COL23A1: variants seen among roughly 807,000 people sequenced by gnomAD.
The protein encoded by COL23A1 is collagen type XXIII alpha 1 chain.
Under a neutral mutation model 99.3 loss-of-function variants are expected in COL23A1, and 97 were observed. The observed-to-expected ratio is 0.98, with a 90% CI of 0.83 to 1.16. The LOEUF is 1.16. Ranked by LOEUF, COL23A1 falls within the 50% of genes most tolerant of loss-of-function variation. The pLI, the probability that COL23A1 is intolerant of heterozygous loss-of-function variation, is 0.00. For missense variants in COL23A1, 762 were observed against 757.4 expected (o/e 1.01, Z -0.07); for synonymous variants, 320 against 308.2 (o/e 1.04, Z -0.40).
At chr5:178,483,488 A>G (rs541010815) in intron 2 of COL23A1, among the ~76,000 whole-genome samples, 2 of 152,324 alleles carry the variant, frequency 1.3e-5, no homozygotes, top group Admixed American at 6.5e-5. Flanking sequence ...CTGGCTTTCC[A>G]GCACCCCAGC....
intron 2 of COL23A1, among the ~76,000 whole-genome samples, chr5:178,500,575 A>C (rs949965361): frequency 6.6e-6 from 1 of 151,532 alleles, no homozygotes; most frequent in African/African-American, 2.4e-5. Context: ...ACTGTACTCT[A>C]GGCTGGGAGG....
At chr5:178,503,391 T>C (rs1305675874) in intron 2 of COL23A1, among the ~76,000 whole-genome samples, 1 of 152,176 alleles carries the variant, frequency 6.6e-6, no homozygotes, top group African/African-American at 2.4e-5. Context: ...AAAGACAGTC[T>C]GTGAAAATGC....
At chr5:178,437,423 T>C (rs1398174773) in intron 2 of COL23A1, among the ~76,000 whole-genome samples, 1 of 151,634 alleles carries the variant, frequency 6.6e-6, no homozygotes, top group Non-Finnish European at 1.5e-5. Flanking sequence ...GAGCAGGAGG[T>C]CGCCAGGATC....
At chr5:178,489,663 G>A (rs1757824086) in intron 2 of COL23A1, among the ~76,000 whole-genome samples, 1 of 152,094 alleles carries the variant, frequency 6.6e-6, no homozygotes, top group Admixed American at 6.5e-5. Flanking sequence ...AAGTCGGGAG[G>A]GTGGGAGGTG....
intron 2 of COL23A1, among the ~76,000 whole-genome samples, chr5:178,548,122 T>A (rs1032774069): frequency 8.1e-6 from 1 of 123,010 alleles, no homozygotes; most frequent in African/African-American, 3.1e-5. Context: ...CTTGGCAAAC[T>A]CTGTAAAGAA....
chr5:178,480,136 T>C (rs1240795740), intron 2 of COL23A1, among the ~76,000 whole-genome samples: 1 of 151,170 alleles, frequency 6.6e-6, no homozygotes, highest in Non-Finnish European at 1.5e-5. Context: ...GGTGCATGAT[T>C]GTACTCCAGA....
At chr5:178,587,575 A>G (rs1245777178) in intron 1 of COL23A1, among the ~76,000 whole-genome samples, 3 of 152,210 alleles carry the variant, frequency 2.0e-5, no homozygotes, top group African/African-American at 7.2e-5. Context: ...AGCTGCCCGC[A>G]CACTCACATA....
chr5:178,374,724 G>T (rs182915469), intron 2 of COL23A1, among the ~76,000 whole-genome samples: 159 of 152,278 alleles, frequency 1.0e-3, no homozygotes, highest in African/African-American at 3.6e-3. Flanking sequence ...ATAATAACAG[G>T]TGTTGGTGCA....
intron 2 of COL23A1, among the ~76,000 whole-genome samples, chr5:178,466,210 C>T (rs1756414057): frequency 1.3e-5 from 2 of 152,130 alleles, no homozygotes; most frequent in South Asian, 4.1e-4. Context: ...TCGGCCTCCA[C>T]TTCCACATCT....
intron 2 of COL23A1, among the ~76,000 whole-genome samples, chr5:178,510,698 T>TA (rs1759158198): frequency 9.5e-6 from 1 of 105,418 alleles, no homozygotes; most frequent in Middle Eastern, 4.8e-3. Context: ...AAATAAAAAA[T>TA]AAAAAAAAGA....
chr5:178,487,147 T>A (rs2647705), intron 2 of COL23A1, among the ~76,000 whole-genome samples: 50,817 of 135,644 alleles, frequency 0.37, 11,484 homozygotes, highest in Admixed American at 0.51. Flanking sequence ...AGTGCCTGAG[T>A]GTTCTGCACA....
At chr5:178,575,559 TA>T (rs1235533149) in intron 1 of COL23A1, among the ~76,000 whole-genome samples, 2 of 152,132 alleles carry the variant, frequency 1.3e-5, no homozygotes, top group African/African-American at 4.8e-5. Flanking sequence ...TTTTGGAAGA[TA>T]AATCTCAAGC....
At chr5:178,283,818 A>G (rs1196063389) in intron 5 of COL23A1, among the ~76,000 whole-genome samples, 3 of 152,234 alleles carry the variant, frequency 2.0e-5, no homozygotes, top group Admixed American at 6.5e-5. Flanking sequence ...TTAGAGAGGA[A>G]AAAGCGCTCA....
chr5:178,456,530 C>G (rs1049408965), intron 2 of COL23A1, among the ~76,000 whole-genome samples: 1 of 152,144 alleles, frequency 6.6e-6, no homozygotes, highest in Middle Eastern at 3.2e-3. Context: ...GAAAGCCCGT[C>G]TCTACTAAAA....
rs1757325948 is a variant in COL23A1, at chr5:178,289,293, C to T, written c.415-943G>A. 3.3e-5 allele frequency among the ~76,000 whole-genome samples: 5 copies of T among 152,176 alleles called. 1 individual carries two copies. In the South Asian group the frequency reaches 1.0e-3, roughly 32 times the overall value. ...TCAATGTGCTTCTTGAGTGGATTAACTGGGATTTACCGGGCTCTGAAAAAC... is the reference window on the plus strand; with the variant it reads ...TCAATGTGCTTCTTGAGTGGATTAATTGGGATTTACCGGGCTCTGAAAAAC... On this transcript the variant is annotated intron_variant, in intron 4 of 28. Transcript: ENST00000390654.
At chr5:178,325,054 CA>C (rs1449911552) in intron 2 of COL23A1, among the ~76,000 whole-genome samples, 1 of 152,242 alleles carries the variant, frequency 6.6e-6, no homozygotes, top group Non-Finnish European at 1.5e-5. Context: ...CTGTGCACTG[CA>C]GCCCCAAGAG....
At chr5:178,515,886 C>A (rs955262807) in intron 2 of COL23A1, among the ~76,000 whole-genome samples, 2 of 152,126 alleles carry the variant, frequency 1.3e-5, no homozygotes, top group Non-Finnish European at 2.9e-5. Flanking sequence ...CTCTCAGCTG[C>A]TGGATGGAGT....
At chr5:178,290,397 G>C (rs1384890654) in intron 3 of COL23A1, 28 bp from the exon 4 acceptor site, 1 of 1,612,304 alleles carries the variant, frequency 6.2e-7, no homozygotes, top group African/African-American at 1.4e-5. Flanking sequence ...AGAAGCCACA[G>C]TCAGTGTGGA....
chr5:178,452,283 G>A (rs1421921274), intron 2 of COL23A1, among the ~76,000 whole-genome samples: 1 of 152,118 alleles, frequency 6.6e-6, no homozygotes, highest in Non-Finnish European at 1.5e-5. Flanking sequence ...ATTATCAGTT[G>A]AAACAACTGA....
Sources: allele counts gnomAD v4.1 joint callset (sites outside exome capture counted in the v4.1 genomes callset), GRCh38; gene constraint gnomAD v4.1.1; transcripts MANE v1.5; gene names NCBI Gene and HGNC (gene_info 2026-07-23, HGNC 2026-07-21).